Variants in STRBP observed in about 807,000 individuals in gnomAD.
STRBP encodes spermatid perinuclear RNA binding protein.
STRBP carries 13 observed loss-of-function variants against 80.1 expected under a neutral mutation model. The ratio of observed to expected loss-of-function variants is 0.16; its 90% CI spans 0.11 to 0.26. The LOEUF (loss-of-function observed/expected upper bound fraction) is 0.26. Among genes scored for constraint, STRBP ranks in the 10% least tolerant of loss-of-function variants. The pLI is 1.00. For synonymous variants in STRBP, 284 were observed against 291.2 expected (o/e 0.98, Z 0.25); for missense variants, 485 against 815.2 (o/e 0.59, Z 4.93).
At chr9:123,217,468 A>C (rs1005035852) in intron 2 of STRBP, among the ~76,000 whole-genome samples, 1 of 152,230 alleles carries the variant, frequency 6.6e-6, no homozygotes, top group African/African-American at 2.4e-5. Flanking sequence ...GTCTTTTCTA[A>C]GTTGTCAGTG....
intron 6 of STRBP, among the ~76,000 whole-genome samples, chr9:123,163,102 A>T (rs2037597456): frequency 6.6e-6 from 1 of 152,206 alleles, no homozygotes; most frequent in Non-Finnish European, 1.5e-5. Context: ...ATGACAAGCT[A>T]AATTTTATTC....
chr9:123,111,296 AC>A (rs2035562369), intron 3 of STRBP: 1 of 250,208 alleles, frequency 4.0e-6, no homozygotes, highest in South Asian at 4.6e-5. Context: ...GATACCCAGA[AC>A]AGAGGAAAGA....
At chr9:123,151,140 T>C (rs1391211893) in intron 11 of STRBP, among the ~76,000 whole-genome samples, 2 of 152,146 alleles carry the variant, frequency 1.3e-5, no homozygotes, top group Non-Finnish European at 2.9e-5. Context: ...ACCCAGATGA[T>C]GGACCTTTCA....
At chr9:123,147,470 G>A (rs2036862492) in intron 12 of STRBP, among the ~76,000 whole-genome samples, 1 of 151,900 alleles carries the variant, frequency 6.6e-6, no homozygotes, top group African/African-American at 2.4e-5. Flanking sequence ...GAACTCAGGA[G>A]TTCAAGACTA....
At chr9:123,141,499 A>C (rs2036590352) in intron 13 of STRBP, among the ~76,000 whole-genome samples, 1 of 152,182 alleles carries the variant, frequency 6.6e-6, no homozygotes, top group African/African-American at 2.4e-5. Context: ...TCTCCCTGAG[A>C]AATCTCATCT....
At chr9:123,263,377 T>A (rs2041198165) in intron 1 of STRBP, among the ~76,000 whole-genome samples, 1 of 151,580 alleles carries the variant, frequency 6.6e-6, no homozygotes, top group Non-Finnish European at 1.5e-5. Context: ...GTAAAAAAAA[T>A]AGCCAGATGT....
chr9:123,188,492 A>T (rs1302351205), intron 2 of STRBP, among the ~76,000 whole-genome samples: 1 of 152,012 alleles, frequency 6.6e-6, no homozygotes, highest in Admixed American at 6.6e-5. Context: ...AATACAAAAA[A>T]TTGGCCAGGC....
At chr9:123,203,433 T>C (rs2039401004) in intron 2 of STRBP, among the ~76,000 whole-genome samples, 1 of 152,064 alleles carries the variant, frequency 6.6e-6, no homozygotes, top group Non-Finnish European at 1.5e-5. Flanking sequence ...TCTGAGTAAA[T>C]ACTTCACAAT....
downstream of STRBP, among the ~76,000 whole-genome samples, chr9:123,117,622 C>T (rs750055478): frequency 4.6e-5 from 7 of 152,204 alleles, no homozygotes; most frequent in African/African-American, 7.2e-5. Context: ...CTGCCACCAC[C>T]CATCTCTACT....
intron 2 of STRBP, among the ~76,000 whole-genome samples, chr9:123,227,507 G>C (rs2040272812): frequency 6.6e-6 from 1 of 150,642 alleles, no homozygotes; most frequent in South Asian, 2.1e-4. Flanking sequence ...GCAATGCAGG[G>C]TTTTGAGCAG....
At chr9:123,260,329 G>A (rs2041133930) in intron 1 of STRBP, among the ~76,000 whole-genome samples, 1 of 152,210 alleles carries the variant, frequency 6.6e-6, no homozygotes, top group South Asian at 2.1e-4. Flanking sequence ...CTAAAGAAGG[G>A]AGGAAAGCAG....
intron 2 of STRBP, among the ~76,000 whole-genome samples, chr9:123,199,224 G>A (rs949737336): frequency 3.9e-5 from 6 of 152,144 alleles, no homozygotes; most frequent in South Asian, 2.1e-4. Context: ...GTGAGCCACC[G>A]CACCCAGCCT....
intron 2 of STRBP, among the ~76,000 whole-genome samples, chr9:123,203,071 C>T (rs2039385039): frequency 6.6e-6 from 1 of 152,080 alleles, no homozygotes; most frequent in African/African-American, 2.4e-5. Context: ...TCTACATTAG[C>T]ATCCAGGCAT....
In STRBP at chr9:123,132,902, T is replaced by G; in HGVS notation, c.1840A>C (p.Thr614Pro). ...VQAVRGRGRG[T>P]LTRGAFVGAT... ...CCAACAAAAGCTCCCCTTGTTAGAG[T>G]TCCTCTTCCTCTGCCCCGAACAGCT... The change falls in exon 17 of 19, where the codon ACT becomes CCT. Residue 614 changes from threonine to proline, a missense_variant. Transcript: ENST00000348403. 6.2e-7 allele frequency: 1 copy of G among 1,614,114 alleles called. No homozygotes were observed. Among genetic ancestry groups the G allele is most frequent in the African/African-American group, 1.3e-5 (1 of 75,056 alleles).
At chr9:123,130,650 TG>T (rs1390138074) in intron 17 of STRBP, among the ~76,000 whole-genome samples, 2 of 152,192 alleles carry the variant, frequency 1.3e-5, no homozygotes, top group African/African-American at 4.8e-5. Flanking sequence ...AATAATACAC[TG>T]AATAAGGCTA....
intron 1 of STRBP, among the ~76,000 whole-genome samples, chr9:123,256,760 T>G (rs958713095): frequency 6.6e-6 from 1 of 152,046 alleles, no homozygotes; most frequent in Non-Finnish European, 1.5e-5. Flanking sequence ...TCACTCATCC[T>G]GGGACCATTT....
At chr9:123,131,880 G>A (rs990138084) in intron 17 of STRBP, among the ~76,000 whole-genome samples, 1 of 152,130 alleles carries the variant, frequency 6.6e-6, no homozygotes, top group Non-Finnish European at 1.5e-5. Flanking sequence ...TTTCTTAGAG[G>A]AAAGCACAAA....
In STRBP at chr9:123,116,475, A is replaced by T. The variant is rs553687471; in HGVS notation, c.169-377T>A. ...GCAAAAAAGAAAACAAAACAAAAAA[A>T]CAGGCTGCCTGGCCCAGGGCTGACC... On this transcript the variant is annotated intron_variant and NMD_transcript_variant, in intron 2 of 3. Coordinates refer to the STRBP transcript ENST00000471564. Among the ~76,000 whole-genome samples, 685 of 152,304 alleles carry T rather than the reference A, an allele frequency of 4.5e-3. 3 individuals carry two copies. The highest frequency in any genetic ancestry group is 7.8e-3 in the Non-Finnish European group (528 of 68,018).
At chr9:123,200,068 G>T (rs543584201) in intron 2 of STRBP, among the ~76,000 whole-genome samples, 2 of 152,228 alleles carry the variant, frequency 1.3e-5, no homozygotes, top group South Asian at 4.1e-4. Flanking sequence ...ACAGTTTGTT[G>T]ACAGTTTTTA....
Sources: allele counts gnomAD v4.1 joint callset (sites outside exome capture counted in the v4.1 genomes callset), GRCh38; gene constraint gnomAD v4.1.1; transcripts MANE v1.5; gene names NCBI Gene and HGNC (gene_info 2026-07-23, HGNC 2026-07-21).